The following ZBTB25 variants were observed in gnomAD, a reference collection of about 807,000 sequenced individuals.
The protein encoded by ZBTB25 is zinc finger and BTB domain-containing protein 25.
In ZBTB25, 20 loss-of-function variants were observed where a neutral mutation model predicts 34.2. The observed-to-expected ratio is 0.58, with a 90% CI of 0.41 to 0.85. The LOEUF is 0.85. Among genes scored for constraint, ZBTB25 ranks in the 40% least tolerant of loss-of-function variants. The pLI is 0.00. For synonymous variants in ZBTB25, 175 were observed against 186.4 expected (o/e 0.94, Z 0.50); for missense variants, 437 against 521.8 (o/e 0.84, Z 1.58).
chr14:64,487,730 C>T lies in ZBTB25; in HGVS notation c.501G>A (p.Gln167=). The change falls in exon 3 of 3, where the codon CAG becomes CAA. Residue 167 remains glutamine (Q), a synonymous_variant. Coordinates refer to ENST00000608382, the MANE Select transcript of ZBTB25 (RefSeq NM_006977.5). Reference sequence around the variant, plus strand: ...GACCAATAGCAAGAGACAACTGCAACTGGGGGTGGTCACCCTGGACAGCAG... The same window carrying T: ...GACCAATAGCAAGAGACAACTGCAATTGGGGGTGGTCACCCTGGACAGCAG... ...NRAAVQGDHP[Q]LQLSLAIGLD... 8 of 1,614,010 alleles carry T rather than the reference C, an allele frequency of 5.0e-6. No individual in the cohort carries two copies. The highest frequency in any genetic ancestry group is 5.9e-6 in the Non-Finnish European group (7 of 1,179,972).
chr14:64,464,319 C>T (rs1187950632), intron 2 of ZBTB25, among the ~76,000 whole-genome samples: 1 of 152,204 alleles, frequency 6.6e-6, no homozygotes, highest in African/African-American at 2.4e-5. Context: ...GTGTGAGCTA[C>T]TGCGCCCATC....
Position 64,486,369 on chromosome 14 carries a change from G to A in ZBTB25, c.*554C>T, listed in dbSNP as rs1472258549. 1.0e-6 allele frequency: 1 copy of A among 985,118 alleles called. No individual in the cohort carries two copies. The highest frequency in any genetic ancestry group is 1.2e-6 in the Non-Finnish European group (1 of 829,920). 61.0% of individuals were successfully genotyped at this position (985,118 alleles called of 1,614,324 possible). A position where few individuals can be genotyped will look rare whatever the true frequency, so the allele number is the denominator to read the frequency against. On this transcript the variant is annotated 3_prime_UTR_variant, in exon 3 of 3. Coordinates refer to ENST00000608382, the MANE Select transcript of ZBTB25 (RefSeq NM_006977.5). ...AGCCATGTAGGTAAGATGTTGTGGA[G>A]CTAGTAGTTAAAAAATAAAACTACT...
rs2078800785 is a variant in ZBTB25, at chr14:64,482,003, A to G, written c.*4920T>C. On this transcript the variant is annotated 3_prime_UTR_variant, in exon 3 of 3. Transcript: ENST00000608382. Reference sequence around the variant, plus strand: ...ACAACATCAAGAATGTGCCTGTACAAATAAATGTTAACGAAATTACACATT... The same window carrying G: ...ACAACATCAAGAATGTGCCTGTACAGATAAATGTTAACGAAATTACACATT... The G allele has an allele frequency of 6.6e-6, 1 of 152,248 alleles. No individual in the cohort carries two copies. 9.4% of individuals were successfully genotyped at this position (152,248 alleles called of 1,614,324 possible). A position where few individuals can be genotyped will look rare whatever the true frequency, so the allele number is the denominator to read the frequency against.
intron 2 of ZBTB25, chr14:64,469,716 A>C: frequency 1.4e-6 from 2 of 1,406,556 alleles, no homozygotes; most frequent in Non-Finnish European, 1.9e-6. Context: ...AACAAGCTTA[A>C]TGAAGAATTC....
At chr14:64,458,092 T>C in intron 2 of ZBTB25, 4 of 799,650 alleles carry the variant, frequency 5.0e-6, no homozygotes, top group Non-Finnish European at 6.8e-6. Context: ...GGTCTCACTA[T>C]GTTGCCCAGG....
rs557650180 is a variant in ZBTB25, at chr14:64,489,725, G to A, written c.173+636C>T. On this transcript the variant is annotated intron_variant, in intron 2 of 2. Coordinates refer to ENST00000608382, the MANE Select transcript of ZBTB25 (RefSeq NM_006977.5). The stretch of plus-strand genomic sequence containing the variant: ...TAATTTTTGTATTTTTAGTAGAGAC[G>A]GGGTTTCACCATATTGGCCAGGCTG... Among the ~76,000 whole-genome samples the A allele has an allele frequency of 2.6e-3, 394 of 150,894 alleles. 1 individual carries two copies. Among genetic ancestry groups the A allele is most frequent in the African/African-American group, 9.1e-3 (377 of 41,238 alleles).
chr14:64,458,233 T>C (rs774685348), intron 2 of ZBTB25: 19 of 1,612,890 alleles, frequency 1.2e-5, no homozygotes, highest in Non-Finnish European at 1.6e-5. Context: ...ATGCCTGGAC[T>C]CCCCACCCGG....
In ZBTB25 at chr14:64,458,785, T is replaced by C. The variant is rs945420534; in HGVS notation, c.174-9147A>G. 15 of 202,256 alleles carry C rather than the reference T, an allele frequency of 7.4e-5. No individual in the cohort carries two copies. The Admixed American group carries it at 7.9e-4, about 11-fold the overall frequency. 12.5% of individuals were successfully genotyped at this position (202,256 alleles called of 1,614,324 possible). A position where few individuals can be genotyped will look rare whatever the true frequency, so the allele number is the denominator to read the frequency against. On this transcript the variant is annotated intron_variant, in intron 2 of 2. Coordinates refer to the ZBTB25 transcript ENST00000555220. The stretch of plus-strand genomic sequence containing the variant: ...ACCAATCTGGCAGTTCTTAGGGCCT[T>C]AGGTGAAAGGGCCCTGAGTACCGAC...
chr14:64,500,439 T>C (rs1472107538), intron 1 of ZBTB25, among the ~76,000 whole-genome samples: 1 of 128,972 alleles, frequency 7.8e-6, no homozygotes, highest in African/African-American at 2.9e-5. Context: ...CTAAGCACTT[T>C]TTCTCCCAAT....
At chr14:64,468,237 G>A (rs1332923291) in intron 2 of ZBTB25, 7 of 590,426 alleles carry the variant, frequency 1.2e-5, no homozygotes, top group African/African-American at 1.9e-5. Flanking sequence ...CTATACTAGA[G>A]AAACCACCTA....
At chr14:64,489,012 C>T (rs944017852) in intron 2 of ZBTB25, among the ~76,000 whole-genome samples, 6 of 152,082 alleles carry the variant, frequency 3.9e-5, no homozygotes, top group East Asian at 1.9e-4. Flanking sequence ...TTTGGGAGGC[C>T]GAGGCAGGTG....
chr14:64,460,650 C>G (rs2140996496), intron 2 of ZBTB25: 1 of 152,266 alleles, frequency 6.6e-6, no homozygotes, highest in East Asian at 1.9e-4. Flanking sequence ...GCCACCATAC[C>G]TGGCCCAGAC....
intron 2 of ZBTB25, among the ~76,000 whole-genome samples, chr14:64,450,982 A>G (rs772927383): frequency 6.6e-6 from 1 of 152,124 alleles, no homozygotes; most frequent in Non-Finnish European, 1.5e-5. Context: ...AGCCTGGCCA[A>G]CATGGTGAAA....
In ZBTB25 at chr14:64,490,462, A is replaced by T. The variant is rs2079040797; in HGVS notation, c.72T>A (p.Cys24Ter). 2 of 1,613,838 alleles carry T rather than the reference A, an allele frequency of 1.2e-6. No individual in the cohort carries two copies. Among genetic ancestry groups the T allele is most frequent in the African/African-American group, 2.7e-5 (2 of 74,930 alleles). Reference protein sequence around the residue: ...LNMQREFGFLCDCTVAIGDVY... With the variant: ...LNMQREFGFL ...CATCTCCAATTGCAACTGTGCAATC[A>T]CACAGAAAACCAAATTCTCGCTGCA... is the stretch of plus-strand genomic sequence containing the variant. The change falls in exon 2 of 3, where the codon TGT (cysteine) becomes TGA (stop). Residue 24 changes from cysteine (C) to a stop codon, truncating the protein, a stop_gained. Transcript: ENST00000608382. LOFTEE classifies it high-confidence loss of function.
Position 64,487,983 on chromosome 14 carries a change from C to T in ZBTB25, c.248G>A (p.Gly83Glu). 6.2e-7 allele frequency: 1 copy of T among 1,614,120 alleles called. No individual in the cohort carries two copies. Among genetic ancestry groups the T allele is most frequent in the South Asian group, 1.1e-5 (1 of 91,078 alleles). Residue 83 changes from glycine (G) to glutamate (E), a missense_variant, in exon 3 of 3, where the codon GGG becomes GAG. By Grantham distance (98) the Gly-to-Glu change is moderately conservative. Transcript: ENST00000608382. Reference sequence around the variant, plus strand: ...ATCCACAATCTGTTTTGGCCCTTTCCCCGTGTACATAATGTGCAACAAATA... The same window carrying T: ...ATCCACAATCTGTTTTGGCCCTTTCTCCGTGTACATAATGTGCAACAAATA... The part of the protein sequence containing the change: ...FSYLLHIMYT[G>E]KGPKQIVDHS...
intron 1 of ZBTB25, among the ~76,000 whole-genome samples, chr14:64,493,777 C>G (rs1037033219): frequency 2.7e-5 from 4 of 150,726 alleles, no homozygotes; most frequent in African/African-American, 7.3e-5. Context: ...GATATAAAGG[C>G]AGAGTCCCAG....
intron 1 of ZBTB25, among the ~76,000 whole-genome samples, chr14:64,496,421 G>A (rs1374225568): frequency 1.3e-5 from 2 of 151,588 alleles, no homozygotes; most frequent in East Asian, 3.9e-4. Flanking sequence ...GACCTGGGAG[G>A]AAGAGGTTGC....
At chr14:64,456,319 C>T (rs545828964) in intron 2 of ZBTB25, among the ~76,000 whole-genome samples, 1 of 152,318 alleles carries the variant, frequency 6.6e-6, no homozygotes, top group African/African-American at 2.4e-5. Context: ...TATTCTAACA[C>T]CTTCCAGTTG....
chr14:64,501,513 C>T (rs2140028847), intron 1 of ZBTB25, among the ~76,000 whole-genome samples: 1 of 152,288 alleles, frequency 6.6e-6, no homozygotes, highest in East Asian at 1.9e-4. Context: ...AAAAGGGGCA[C>T]AGGAAGTGGT....
Sources: gnomAD v4.1 joint callset for allele counts (sites outside exome capture counted in the v4.1 genomes callset) on GRCh38, gnomAD v4.1.1 for gene constraint, MANE v1.5 for transcripts, NCBI Gene and HGNC (gene_info 2026-07-23, HGNC 2026-07-21) for gene names.